NECTIN2: variants seen among roughly 807,000 people sequenced by gnomAD.
NECTIN2 encodes the protein nectin cell adhesion molecule 2, also known as nectin-2.
In NECTIN2, 23 loss-of-function variants were observed where a neutral mutation model predicts 56.9. The observed-to-expected ratio is 0.40, with a 90% confidence interval of 0.29 to 0.57. The LOEUF is 0.57. Ranked by LOEUF, NECTIN2 falls within the 20% of genes least tolerant of loss-of-function variation. The pLI is 0.38. For missense variants in NECTIN2, 587 were observed against 718.3 expected (o/e 0.82, Z 2.09); for synonymous variants, 302 against 313.8 (o/e 0.96, Z 0.40).
At chr19:44,869,702 C>T (rs4803767) in intron 2 of NECTIN2, among the ~76,000 whole-genome samples, 37,846 of 151,332 alleles carry the variant, frequency 0.25, 5,012 homozygotes, top group Middle Eastern at 0.45. Context: ...CCTGAATATA[C>T]ACTTCAAGCA....
chr19:44,882,788 T>C (rs962774073), intron 6 of NECTIN2, among the ~76,000 whole-genome samples: 3 of 150,782 alleles, frequency 2.0e-5, no homozygotes, highest in African/African-American at 7.3e-5. Context: ...ACTACATTTT[T>C]TTTTTTTTTT....
chr19:44,864,728 TGAGGCAG>T (rs1050691863), intron 1 of NECTIN2, among the ~76,000 whole-genome samples: 2 of 152,114 alleles, frequency 1.3e-5, no homozygotes, highest in Non-Finnish European at 1.5e-5. Context: ...CTCAGGAGGC[TGAGGCAG>T]GAGAATGGCG....
chr19:44,865,778 C>T lies in NECTIN2; in HGVS notation c.478+118C>T. The T allele has an allele frequency of 1.7e-6, 2 of 1,194,802 alleles. No homozygotes were observed. Among genetic ancestry groups the T allele is most frequent in the South Asian group, 3.4e-5 (2 of 58,966 alleles). 74.0% of individuals were successfully genotyped at this position (1,194,802 alleles called of 1,614,324 possible). On this transcript the variant is annotated intron_variant, in intron 2 of 8. Coordinates refer to ENST00000252483, the MANE Select transcript of NECTIN2 (RefSeq NM_001042724.2). The surrounding 1 kb of genome is among the most constrained non-coding windows in gnomAD (Gnocchi z 5.2). ...TGAGGTTCACATTCTCTGTGGGTTT[C>T]CATCCATCAGCAAATGTTCATTAAG...
chr19:44,858,076 A>C (rs900241574), intron 1 of NECTIN2, among the ~76,000 whole-genome samples: 6 of 152,148 alleles, frequency 3.9e-5, no homozygotes, highest in Non-Finnish European at 8.8e-5. Context: ...GAGGCGTGTG[A>C]CCGAAGTCCC....
intron 1 of NECTIN2, among the ~76,000 whole-genome samples, chr19:44,864,333 A>C (rs1969071433): frequency 1.3e-5 from 2 of 152,114 alleles, no homozygotes; most frequent in Admixed American, 1.3e-4. Flanking sequence ...ATGTAGTTGA[A>C]AGAAAAGAAA....
Position 44,865,142 on chromosome 19 carries a change from G to A in NECTIN2, c.89-129G>A, listed in dbSNP as rs1969082189. On this transcript the variant is annotated intron_variant, in intron 1 of 8. Coordinates refer to ENST00000252483, the MANE Select transcript of NECTIN2 (RefSeq NM_001042724.2). This position sits in a 1 kb window ranked among gnomAD's most constrained non-coding sequence, Gnocchi z 5.2. ...CAGGTGGCTTTTTTGGAATCAGGAT[G>A]CTGCGAAGCTGCCTACGTTGCATGC... 4 of 991,252 alleles carry A rather than the reference G, an allele frequency of 4.0e-6. No homozygotes were observed. Among genetic ancestry groups the A allele is most frequent in the Non-Finnish European group, 4.4e-6 (3 of 675,296 alleles). The allele number at this position is 991,252 out of a possible 1,614,324, so 61.4% of individuals were successfully genotyped here.
intron 1 of NECTIN2, among the ~76,000 whole-genome samples, chr19:44,851,053 A>G (rs1968893561): frequency 6.6e-6 from 1 of 151,786 alleles, no homozygotes; most frequent in Non-Finnish European, 1.5e-5. Context: ...CCAGAAGCCC[A>G]GGCCCCAGCC....
At chr19:44,877,527 G>C (rs1969253521) in intron 5 of NECTIN2, among the ~76,000 whole-genome samples, 4 of 152,182 alleles carry the variant, frequency 2.6e-5, no homozygotes, top group African/African-American at 9.7e-5. Context: ...TTACACACTG[G>C]GGATAAGTGG....
intron 6 of NECTIN2, among the ~76,000 whole-genome samples, chr19:44,882,782 CA>C (rs780597064): frequency 0.092 from 6,270 of 67,992 alleles, 184 homozygotes; most frequent in Admixed American, 0.12. Context: ...GATCCTACTA[CA>C]TTTTTTTTTT....
chr19:44,855,814 G>A (rs1599909565), intron 1 of NECTIN2, among the ~76,000 whole-genome samples: 2 of 152,194 alleles, frequency 1.3e-5, no homozygotes, highest in South Asian at 2.1e-4. Context: ...TGGGGATACA[G>A]TAGGGGAAAA....
At chr19:44,856,726 G>A (rs1968969736) in intron 1 of NECTIN2, among the ~76,000 whole-genome samples, 1 of 152,158 alleles carries the variant, frequency 6.6e-6, no homozygotes, top group South Asian at 2.1e-4. Flanking sequence ...CCGGAAGGGA[G>A]TGTGCCTTGT....
intron 3 of NECTIN2, among the ~76,000 whole-genome samples, chr19:44,873,027 C>G (rs519113): frequency 0.26 from 39,420 of 151,282 alleles, 5,383 homozygotes; most frequent in African/African-American, 0.33. Context: ...ACTCACACCT[C>G]GTAATGTTAC....
At chr19:44,854,982 G>A (rs1429617733) in intron 1 of NECTIN2, among the ~76,000 whole-genome samples, 1 of 151,092 alleles carries the variant, frequency 6.6e-6, no homozygotes. Flanking sequence ...GCCGGGCGTC[G>A]TGGCGGGCAC....
At chr19:44,877,247 G>A (rs1192943660) in intron 5 of NECTIN2, among the ~76,000 whole-genome samples, 2 of 152,048 alleles carry the variant, frequency 1.3e-5, no homozygotes, top group Non-Finnish European at 2.9e-5. Context: ...TCAGGTGTGG[G>A]TGAACCCCCC....
rs974526768 is a variant in NECTIN2 at position 44,874,590 on chromosome 19, A to G, written c.1042+112A>G. ...AGGCTGCGCCGCCGACCTGGGAGGGATGCAGACCTGCCTGGCTGAGGGGAG... is the reference window on the plus strand; with the variant it reads ...AGGCTGCGCCGCCGACCTGGGAGGGGTGCAGACCTGCCTGGCTGAGGGGAG... On this transcript the variant is annotated intron_variant, in intron 5 of 8. Transcript: ENST00000252483. The surrounding 1 kb of genome is among the most constrained non-coding windows in gnomAD (Gnocchi z 6.3). The G allele has an allele frequency of 3.0e-6, 4 of 1,347,010 alleles. No individual in the cohort carries two copies. Among genetic ancestry groups the G allele is most frequent in the Non-Finnish European group, 4.1e-6 (4 of 974,924 alleles). 83.4% of individuals were successfully genotyped at this position (1,347,010 alleles called of 1,614,324 possible).
intron 1 of NECTIN2, among the ~76,000 whole-genome samples, chr19:44,846,968 C>T (rs1015834144): frequency 6.6e-6 from 1 of 152,072 alleles, no homozygotes; most frequent in Non-Finnish European, 1.5e-5. Flanking sequence ...GAGTAGTTCA[C>T]CCGGATCTGG....
Position 44,888,778 on chromosome 19 carries a change from G to A in NECTIN2, c.*399G>A, listed in dbSNP as rs541210599. 1.6e-4 allele frequency: 29 copies of A among 183,410 alleles called. No homozygotes were observed. The East Asian group carries it at 3.6e-3, about 23-fold the overall frequency. The allele number at this position is 183,410 out of a possible 1,614,324, so 11.4% of individuals were successfully genotyped here. Reference sequence around the variant, plus strand: ...TCCCAATAGGTCTGCTGGAGTGGGCGCTGAGGGCTCCCTGCTGCTCAGACC... The same window carrying A: ...TCCCAATAGGTCTGCTGGAGTGGGCACTGAGGGCTCCCTGCTGCTCAGACC... On this transcript the variant is annotated 3_prime_UTR_variant, in exon 9 of 9. Coordinates refer to ENST00000252483, the MANE Select transcript of NECTIN2 (RefSeq NM_001042724.2).
chr19:44,846,348 C>G lies in NECTIN2; in HGVS notation c.-178C>G, dbSNP rs1363912093. 3 of 733,266 alleles carry G rather than the reference C, an allele frequency of 4.1e-6. No homozygotes were observed. The highest frequency in any genetic ancestry group is 3.8e-5 in the African/African-American group (2 of 52,914). The allele number at this position is 733,266 out of a possible 1,614,324, so 45.4% of individuals were successfully genotyped here. On this transcript the variant is annotated 5_prime_UTR_variant, in exon 1 of 9. Transcript: ENST00000252483. ...GAGCTGAGCGAGAGGCCGGGGGTGC[C>G]GAGCCGGGCGGGGAGAGCTGGGCCG...
Position 44,865,419 on chromosome 19 carries a change from C to T in NECTIN2, c.237C>T (p.His79=), listed in dbSNP as rs764637662. ...TWQRPDAPAN[H]QNVAAFHPKM... ...AGCGCCCAGATGCACCTGCGAACCA[C>T]CAGAATGTGGCCGCCTTCCACCCTA... Residue 79 remains histidine, a synonymous_variant, in exon 2 of 9, where the codon CAC becomes CAT. Coordinates refer to ENST00000252483, the MANE Select transcript of NECTIN2 (RefSeq NM_001042724.2). The surrounding 1 kb of genome is among the most constrained non-coding windows in gnomAD (Gnocchi z 5.2). The T allele has an allele frequency of 6.2e-7, 1 of 1,614,196 alleles. No homozygotes were observed. The highest frequency in any genetic ancestry group is 1.7e-5 in the Admixed American group (1 of 60,020).
Sources: gnomAD v4.1 joint callset for allele counts (sites outside exome capture counted in the v4.1 genomes callset) on GRCh38, gnomAD v4.1.1 for gene constraint, Gnocchi (gnomAD v3.1) non-coding constraint, MANE v1.5 for transcripts, NCBI Gene and HGNC (gene_info 2026-07-23, HGNC 2026-07-21) for gene names.